The following SPRED2 variants were observed in gnomAD, a reference collection of about 807,000 sequenced individuals.
The protein encoded by SPRED2 is sprouty-related, EVH1 domain-containing protein 2.
SPRED2 carries 47 observed loss-of-function variants against 43.0 expected under a neutral mutation model. The ratio of observed to expected loss-of-function variants is 1.09; its 90% CI spans 0.87 to 1.40. The LOEUF (loss-of-function observed/expected upper bound fraction) is 1.40. Among genes scored for constraint, SPRED2 ranks in the 40% most tolerant of loss-of-function variants. The probability of loss-of-function intolerance (pLI) is 0.00; values close to 1 mark genes in which losing one functional copy is unlikely to be tolerated. For missense variants in SPRED2, 561 were observed against 586.4 expected, an observed-to-expected ratio of 0.96 and a Z score of 0.45; for synonymous variants, 225 against 225.7, an observed-to-expected ratio of 1.00 and a Z score of 0.03.
intron 3 of SPRED2, among the ~76,000 whole-genome samples, chr2:65,332,848 G>A (rs1460641760): frequency 1.3e-5 from 2 of 152,142 alleles, no homozygotes; most frequent in African/African-American, 2.4e-5. Flanking sequence ...AATAATGCAT[G>A]GATCAACTTA....
At position 65,344,802 on chromosome 2, in the gene SPRED2, C is replaced by A. The variant is rs750231971; in HGVS notation, c.121G>T (p.Val41Phe). 7 of 1,614,028 alleles carry A rather than the reference C, an allele frequency of 4.3e-6. No individual in the cohort carries two copies. Among genetic ancestry groups the A allele is most frequent in the Admixed American group, 1.7e-5 (1 of 59,996 alleles). The stretch of plus-strand genomic sequence containing the variant: ...GGGTGCATGACCTTACAGACCCCGA[C>A]GCGACTGATCCCGCCTCCTTCCTGT... Reference protein sequence around the residue: ...FPQEGGGISRVGVCKVMHPEG... With the variant: ...FPQEGGGISRFGVCKVMHPEG... The change falls in exon 2 of 6, where the codon GTC becomes TTC. Residue 41 changes from valine (V) to phenylalanine (F), a missense_variant. By Grantham distance (50) the Val-to-Phe change is conservative (BLOSUM62 -1). Transcript: ENST00000356388.
intron 4 of SPRED2, among the ~76,000 whole-genome samples, chr2:65,330,833 T>C (rs369888083): frequency 1.1e-4 from 16 of 152,320 alleles, no homozygotes; most frequent in African/African-American, 3.1e-4. Context: ...AAAATATCTG[T>C]GTGTGTATAA....
At chr2:65,323,658 C>T (rs1673503440) in intron 4 of SPRED2, among the ~76,000 whole-genome samples, 1 of 151,614 alleles carries the variant, frequency 6.6e-6, no homozygotes, top group Non-Finnish European at 1.5e-5. Context: ...GGGCAGATCA[C>T]GAGGTCAGGA....
At chr2:65,414,283 G>A (rs1371346484) in intron 1 of SPRED2, among the ~76,000 whole-genome samples, 1 of 152,216 alleles carries the variant, frequency 6.6e-6, no homozygotes, top group East Asian at 1.9e-4. Flanking sequence ...AAGGAGGAAG[G>A]GCTGCCTTGC....
Position 65,404,090 on chromosome 2 carries a change from A to G in SPRED2, c.26+27872T>C, listed in dbSNP as rs1406393084. ...CATGGTGGCGGATGCCTGTAGTCCC[A>G]GCTACTCAGGAGGCTGAGGCAGGAG... On this transcript the variant is annotated intron_variant, in intron 1 of 5. Transcript: ENST00000356388. 2.0e-5 allele frequency among the ~76,000 whole-genome samples: 3 copies of G among 152,078 alleles called. No homozygotes were observed. The East Asian group carries it at 5.8e-4, about 29-fold the overall frequency.
In SPRED2 at chr2:65,360,112, A is replaced by C. The variant is rs57460813; in HGVS notation, c.27-15216T>G. On this transcript the variant is annotated intron_variant, in intron 1 of 5. Transcript: ENST00000356388. ...AACAAAAAAAAAACAAAAAAAAAAA[A>C]AACAAAGACCAAAAGACCACTGCTC... Among the ~76,000 whole-genome samples the C allele has an allele frequency of 8.9e-3, 1,306 of 146,780 alleles. 15 individuals carry two copies. The highest frequency in any genetic ancestry group is 0.032 in the African/African-American group (1,206 of 37,952).
chr2:65,339,133 C>A, intron 2 of SPRED2, among the ~76,000 whole-genome samples: 1 of 136,776 alleles, frequency 7.3e-6, no homozygotes, highest in African/African-American at 2.9e-5. Context: ...GGCCAGCCGC[C>A]CGGTCCAGGA....
At chr2:65,394,648 G>A (rs1323592046) in intron 1 of SPRED2, among the ~76,000 whole-genome samples, 2 of 152,094 alleles carry the variant, frequency 1.3e-5, no homozygotes, top group East Asian at 1.9e-4. Flanking sequence ...TCCCCTGTGT[G>A]TGCACCTCAG....
chr2:65,430,171 C>A (rs1676644839), intron 1 of SPRED2, among the ~76,000 whole-genome samples: 1 of 152,222 alleles, frequency 6.6e-6, no homozygotes, highest in Admixed American at 6.5e-5. Context: ...GGCAGCAAGG[C>A]CCAGCAGCAT....
chr2:65,391,434 A>T (rs1675634132), intron 1 of SPRED2, among the ~76,000 whole-genome samples: 1 of 152,240 alleles, frequency 6.6e-6, no homozygotes, highest in South Asian at 2.1e-4. Context: ...TGCACGTTTT[A>T]GGCAAACTTT....
Position 65,344,726 on chromosome 2 carries a change from T to C in SPRED2, c.197A>G (p.Asp66Gly). The C allele has an allele frequency of 6.2e-7, 1 of 1,614,080 alleles. No homozygotes were observed. Among genetic ancestry groups the C allele is most frequent in the Non-Finnish European group, 8.5e-7 (1 of 1,179,900 alleles). The change falls in exon 2 of 6, where the codon GAC (aspartate) becomes GGC (glycine). Residue 66 changes from aspartate (D) to glycine (G), a missense_variant. Transcript: ENST00000356388. ...TTGTATGTCTGCCATTACCAGTTTGTCTTTCTGTCGTTCACCATGGATGAG... is the reference window on the plus strand; with the variant it reads ...TTGTATGTCTGCCATTACCAGTTTGCCTTTCTGTCGTTCACCATGGATGAG... ...GFLIHGERQKDKLVVLECYVR... is the reference protein window; with the variant it reads ...GFLIHGERQKGKLVVLECYVR...
intron 1 of SPRED2, among the ~76,000 whole-genome samples, chr2:65,430,660 C>A (rs1485469731): frequency 6.6e-6 from 1 of 152,154 alleles, no homozygotes; most frequent in Non-Finnish European, 1.5e-5. Flanking sequence ...GAAGCCCACA[C>A]TCCCCTGCAA....
chr2:65,402,241 T>C (rs1244644258), intron 1 of SPRED2, among the ~76,000 whole-genome samples: 1 of 120,828 alleles, frequency 8.3e-6, no homozygotes, highest in East Asian at 2.6e-4. Context: ...ATCTGGCCAC[T>C]GCACTCCAGC....
chr2:65,310,458 T>TACACACAC (rs55916427), downstream of SPRED2, among the ~76,000 whole-genome samples: 97 of 137,986 alleles, frequency 7.0e-4, no homozygotes, highest in East Asian at 2.7e-3. Flanking sequence ...TCCTCCAAAC[T>TACACACAC]ACACACACAC....
At chr2:65,309,669 T>C (rs1251195754), downstream of SPRED2, among the ~76,000 whole-genome samples, 1 of 152,180 alleles carries the variant, frequency 6.6e-6, no homozygotes, top group Admixed American at 6.5e-5. Flanking sequence ...TTTCTTTACA[T>C]GTGTGCTTCC....
chr2:65,315,989 T>C (rs1364065178), intron 5 of SPRED2, among the ~76,000 whole-genome samples: 1 of 152,230 alleles, frequency 6.6e-6, no homozygotes, highest in Admixed American at 6.5e-5. Flanking sequence ...GACATTTTAA[T>C]CCCAAAATAT....
At chr2:65,420,895 T>C (rs1329361822) in intron 1 of SPRED2, among the ~76,000 whole-genome samples, 1 of 152,230 alleles carries the variant, frequency 6.6e-6, no homozygotes, top group Non-Finnish European at 1.5e-5. Context: ...ATCATCTTGA[T>C]TCCCAGTAAC....
At chr2:65,367,361 G>T (rs1193786949) in intron 1 of SPRED2, among the ~76,000 whole-genome samples, 1 of 152,068 alleles carries the variant, frequency 6.6e-6, no homozygotes, top group Non-Finnish European at 1.5e-5. Flanking sequence ...AAGAAATGTG[G>T]CAAAATCTTG....
chr2:65,341,706 A>G (rs1227366584), intron 2 of SPRED2, among the ~76,000 whole-genome samples: 1 of 152,190 alleles, frequency 6.6e-6, no homozygotes, highest in East Asian at 1.9e-4. Flanking sequence ...AACAAATGGT[A>G]AAAGTTTACT....
Sources: allele counts gnomAD v4.1 joint callset (sites outside exome capture counted in the v4.1 genomes callset), GRCh38; gene constraint gnomAD v4.1.1; transcripts MANE v1.5; gene names NCBI Gene and HGNC (gene_info 2026-07-23, HGNC 2026-07-21).